SYN3: variants seen among roughly 807,000 people sequenced by gnomAD.
SYN3 encodes the protein synapsin-3.
In SYN3, 35 loss-of-function variants were observed where a neutral mutation model predicts 65.8. The ratio of observed to expected loss-of-function variants is 0.53; its 90% confidence interval spans 0.41 to 0.70. SYN3 has a LOEUF of 0.70. Among genes scored for constraint, SYN3 ranks in the 30% least tolerant of loss-of-function variants. The pLI, the probability that SYN3 is intolerant of heterozygous loss-of-function variation, is 0.00. For synonymous variants in SYN3, 270 were observed against 292.9 expected, an observed-to-expected ratio of 0.92 and a Z score of 0.80; for missense variants, 680 against 749.0, an observed-to-expected ratio of 0.91 and a Z score of 1.08.
chr22:32,795,691 G>C (rs925598981), intron 6 of SYN3, among the ~76,000 whole-genome samples: 3 of 152,180 alleles, frequency 2.0e-5, no homozygotes, highest in Admixed American at 1.3e-4. Flanking sequence ...TTGGGAAACA[G>C]CTACATTTTA....
At chr22:33,056,223 G>C (rs113497732) in intron 1 of SYN3, among the ~76,000 whole-genome samples, 1 of 152,278 alleles carries the variant, frequency 6.6e-6, no homozygotes, top group Non-Finnish European at 1.5e-5. Context: ...GACTCAACTC[G>C]AATTCCAAAA....
At chr22:32,663,104 G>A (rs2060238072) in intron 6 of SYN3, among the ~76,000 whole-genome samples, 1 of 152,176 alleles carries the variant, frequency 6.6e-6, no homozygotes, top group Non-Finnish European at 1.5e-5. Flanking sequence ...AAGAATGTGT[G>A]TGCATCCAGA....
intron 4 of SYN3, chr22:32,931,129 A>G: frequency 2.6e-6 from 1 of 386,170 alleles, no homozygotes; most frequent in Non-Finnish European, 4.8e-6. Flanking sequence ...AATATGCCAG[A>G]GCAGAGCCTC....
chr22:32,889,722 T>C (rs1036415523), intron 4 of SYN3, among the ~76,000 whole-genome samples: 1 of 152,128 alleles, frequency 6.6e-6, no homozygotes, highest in Non-Finnish European at 1.5e-5. Context: ...AACTTTTAGA[T>C]CTTTTTATTG....
At chr22:32,784,106 T>A (rs1347054095) in intron 6 of SYN3, among the ~76,000 whole-genome samples, 1 of 152,184 alleles carries the variant, frequency 6.6e-6, no homozygotes, top group East Asian at 1.9e-4. Context: ...AGACCCTGTG[T>A]TTTCTGGGGC....
At chr22:32,787,747 G>GA (rs1381250768) in intron 6 of SYN3, among the ~76,000 whole-genome samples, 9 of 152,144 alleles carry the variant, frequency 5.9e-5, no homozygotes, top group African/African-American at 2.2e-4. Context: ...AAATCCATGT[G>GA]AAAAATGAGA....
At chr22:32,581,792 C>CTTTT (rs10716395) in intron 7 of SYN3, among the ~76,000 whole-genome samples, 185 of 84,314 alleles carry the variant, frequency 2.2e-3, no homozygotes, top group Non-Finnish European at 2.7e-3. Flanking sequence ...TTCTTTCTTT[C>CTTTT]TTTTTTTTTT....
intron 6 of SYN3, among the ~76,000 whole-genome samples, chr22:32,856,953 C>T (rs2048386387): frequency 6.6e-6 from 1 of 152,196 alleles, no homozygotes; most frequent in African/African-American, 2.4e-5. Flanking sequence ...GCAAAACGAC[C>T]TCCAGTTCCA....
intron 3 of SYN3, among the ~76,000 whole-genome samples, chr22:32,936,457 G>C (rs1359494493): frequency 1.3e-5 from 2 of 152,040 alleles, no homozygotes; most frequent in African/African-American, 4.8e-5. Flanking sequence ...GCAGGACAGA[G>C]TATAGGAAAA....
intron 6 of SYN3, among the ~76,000 whole-genome samples, chr22:32,744,404 C>G (rs567123381): frequency 6.6e-6 from 1 of 152,298 alleles, no homozygotes; most frequent in South Asian, 2.1e-4. Context: ...TATTCCAGCT[C>G]TACTCATTAA....
intron 6 of SYN3, among the ~76,000 whole-genome samples, chr22:32,621,329 C>A (rs1207470612): frequency 6.7e-6 from 1 of 149,272 alleles, no homozygotes; most frequent in African/African-American, 2.5e-5. Flanking sequence ...TTAGGGGCCT[C>A]GCTGACCTGT....
chr22:32,809,096 C>A (rs370231566), intron 6 of SYN3, among the ~76,000 whole-genome samples: 4 of 152,346 alleles, frequency 2.6e-5, no homozygotes, highest in South Asian at 4.1e-4. Context: ...GGTGCCCTTA[C>A]TATGTGCCAG....
intron 7 of SYN3, among the ~76,000 whole-genome samples, chr22:32,571,314 G>A (rs1186820689): frequency 3.3e-5 from 5 of 152,214 alleles, no homozygotes; most frequent in East Asian, 3.9e-4. Context: ...AGTAGGCAGC[G>A]GGAGTGGCTG....
At chr22:32,971,875 A>C (rs2052031957) in intron 3 of SYN3, among the ~76,000 whole-genome samples, 1 of 152,130 alleles carries the variant, frequency 6.6e-6, no homozygotes. Flanking sequence ...GACTGTGAGA[A>C]TTTGGGCCAC....
intron 1 of SYN3, among the ~76,000 whole-genome samples, chr22:33,043,516 C>G (rs765443890): frequency 2.6e-5 from 4 of 152,010 alleles, no homozygotes; most frequent in Non-Finnish European, 5.9e-5. Context: ...CCATTGCACT[C>G]CAGCTTGGGC....
At chr22:32,960,540 G>C (rs2051615384) in intron 3 of SYN3, among the ~76,000 whole-genome samples, 1 of 152,148 alleles carries the variant, frequency 6.6e-6, no homozygotes, top group Admixed American at 6.5e-5. Flanking sequence ...CCTCCTTCTA[G>C]GGGACTGTGA....
intron 6 of SYN3, among the ~76,000 whole-genome samples, chr22:32,845,516 C>T (rs1316132521): frequency 6.6e-6 from 1 of 152,106 alleles, no homozygotes; most frequent in East Asian, 1.9e-4. Flanking sequence ...ACCTTATCTC[C>T]CCACTAGACT....
chr22:32,915,381 C>CTTAT (rs1345432313), intron 4 of SYN3, among the ~76,000 whole-genome samples: 1 of 152,182 alleles, frequency 6.6e-6, no homozygotes, highest in African/African-American at 2.4e-5. Flanking sequence ...CCTCAAGGGG[C>CTTAT]TTATATTCTG....
At chr22:32,610,119 A>G (rs1462621143) in intron 6 of SYN3, among the ~76,000 whole-genome samples, 4 of 152,054 alleles carry the variant, frequency 2.6e-5, no homozygotes, top group Admixed American at 2.0e-4. Context: ...CGTCTCTACT[A>G]AAAATACAAA....
Sources: gnomAD v4.1 joint callset for allele counts (sites outside exome capture counted in the v4.1 genomes callset) on GRCh38, gnomAD v4.1.1 for gene constraint, MANE v1.5 for transcripts, NCBI Gene and HGNC (gene_info 2026-07-23, HGNC 2026-07-21) for gene names.